Variants in GOLM2 observed in about 807,000 individuals in gnomAD.
GOLM2 encodes golgi membrane protein 2.
Under a neutral mutation model 55.9 loss-of-function variants are expected in GOLM2, and 26 were observed. That is an observed-to-expected ratio of 0.47 (90% CI 0.34 to 0.65). The LOEUF (loss-of-function observed/expected upper bound fraction) is 0.65. Among genes scored for constraint, GOLM2 ranks in the 30% least tolerant of loss-of-function variants. GOLM2 has a pLI of 0.01. For synonymous variants in GOLM2, 165 were observed against 194.6 expected (o/e 0.85, Z 1.27); for missense variants, 486 against 531.8 (o/e 0.91, Z 0.85).
chr15:44,409,644 C>T (rs1438921660), intron 9 of GOLM2: 2 of 134,572 alleles, frequency 1.5e-5, no homozygotes, highest in African/African-American at 5.5e-5. Context: ...CGCTGTGCCT[C>T]ACGCCTGTAA....
At chr15:44,325,597 A>G (rs2078975856) in intron 2 of GOLM2, among the ~76,000 whole-genome samples, 1 of 152,222 alleles carries the variant, frequency 6.6e-6, no homozygotes, top group Non-Finnish European at 1.5e-5. Flanking sequence ...AAGATCACCA[A>G]TTGAAGTCTC....
At chr15:44,403,255 C>T (rs528693413) in intron 9 of GOLM2, 8 of 548,084 alleles carry the variant, frequency 1.5e-5, no homozygotes, top group South Asian at 3.8e-5. Flanking sequence ...CTCCACCTCC[C>T]GGGTTCAAGC....
intron 8 of GOLM2, 70 bp downstream of exon 8, chr15:44,381,046 T>G (rs992062721): frequency 3.3e-6 from 3 of 920,358 alleles, no homozygotes; most frequent in Non-Finnish European, 4.6e-6. Flanking sequence ...AGGTCTTCAT[T>G]ATTCTGCTCT....
intron 8 of GOLM2, among the ~76,000 whole-genome samples, chr15:44,397,907 CT>C (rs1390629809): frequency 6.6e-6 from 1 of 152,160 alleles, no homozygotes. Context: ...TGGAATCATC[CT>C]TTGACTCTTT....
At chr15:44,308,535 G>A (rs1468411895) in intron 1 of GOLM2, 2 of 152,110 alleles carry the variant, frequency 1.3e-5, no homozygotes, top group African/African-American at 4.8e-5. Context: ...TGGTGTACAA[G>A]TATCTGTTTG....
chr15:44,411,461 T>G (rs1032366778), intron 9 of GOLM2, among the ~76,000 whole-genome samples: 1 of 152,176 alleles, frequency 6.6e-6, no homozygotes, highest in Non-Finnish European at 1.5e-5. Context: ...TAACAAAAAT[T>G]AAGCTATTGG....
intron 6 of GOLM2, 141 bp from the exon 7 acceptor site, chr15:44,379,549 C>T (rs2079387526): frequency 1.6e-6 from 1 of 611,882 alleles, no homozygotes; most frequent in South Asian, 2.0e-5. Context: ...AATTAGCATA[C>T]CAACTATAAG....
chr15:44,364,782 T>C (rs1436741767), intron 6 of GOLM2, among the ~76,000 whole-genome samples: 1 of 152,060 alleles, frequency 6.6e-6, no homozygotes, highest in Non-Finnish European at 1.5e-5. Flanking sequence ...GGCATAAAAA[T>C]GGCAAACATA....
intron 6 of GOLM2, among the ~76,000 whole-genome samples, chr15:44,358,603 A>G (rs966748388): frequency 6.6e-6 from 1 of 152,226 alleles, no homozygotes; most frequent in Non-Finnish European, 1.5e-5. Flanking sequence ...CAAAGGCAAT[A>G]CAATGGGGTA....
chr15:44,289,732 C>T lies in GOLM2; in HGVS notation c.327+376C>T, dbSNP rs924307045. On this transcript the variant is annotated intron_variant, in intron 1 of 9. Transcript: ENST00000299957. The surrounding 1 kb of genome is among the most constrained non-coding windows in gnomAD (Gnocchi z 4.8). ...TGTGGTTATTGTCTCATTTTTATTCCGTGCACACTGATCAATATTAATTTC... is the reference window on the plus strand; with the variant it reads ...TGTGGTTATTGTCTCATTTTTATTCTGTGCACACTGATCAATATTAATTTC... Among the ~76,000 whole-genome samples the T allele has an allele frequency of 2.0e-5, 3 of 152,154 alleles. No individual in the cohort carries two copies. The highest frequency in any genetic ancestry group is 6.6e-5 in the Admixed American group (1 of 15,262).
In GOLM2 at chr15:44,413,509, A is replaced by C; in HGVS notation, c.*103A>C. On this transcript the variant is annotated 3_prime_UTR_variant, in exon 10 of 10. Transcript: ENST00000299957. ...GTAAAGACGAATTGTATCAGTTGTA[A>C]AGATACATTGAGATAGAATTAAGGA... 1 of 821,790 alleles carries C rather than the reference A, an allele frequency of 1.2e-6. No homozygotes were observed. The highest frequency in any genetic ancestry group is 2.0e-6 in the Non-Finnish European group (1 of 499,626). The allele number at this position is 821,790 out of a possible 1,614,324, so 50.9% of individuals were successfully genotyped here. A position where few individuals can be genotyped will look rare whatever the true frequency, so the allele number is the denominator to read the frequency against.
At chr15:44,376,913 G>A (rs2079368659) in intron 6 of GOLM2, among the ~76,000 whole-genome samples, 1 of 151,874 alleles carries the variant, frequency 6.6e-6, no homozygotes, top group African/African-American at 2.4e-5. Flanking sequence ...AACCAAGGCT[G>A]GGGTTTTCTA....
chr15:44,295,917 T>TACACAC lies in GOLM2; in HGVS notation c.327+6587_327+6592dup, dbSNP rs71421830. Reference sequence around the variant, plus strand: ...TAGAACAAGGGAGATCCACCACACATACACACACACACACACACACACACA... The same window carrying TACACAC: ...TAGAACAAGGGAGATCCACCACACATACACACACACACACACACACACACACACACA... On this transcript the variant is annotated intron_variant, in intron 1 of 9. Coordinates refer to ENST00000299957, the MANE Select transcript of GOLM2 (RefSeq NM_138423.4). Among the ~76,000 whole-genome samples, 1,327 of 143,130 alleles carry TACACAC rather than the reference T, an allele frequency of 9.3e-3. 19 individuals carry two copies. Among genetic ancestry groups the TACACAC allele is most frequent in the African/African-American group, 0.029 (1,112 of 38,840 alleles). 93.9% of individuals were successfully genotyped at this position (143,130 alleles called of 152,430 possible).
intron 6 of GOLM2, among the ~76,000 whole-genome samples, chr15:44,378,641 A>G (rs1202841425): frequency 6.6e-6 from 1 of 152,096 alleles, no homozygotes; most frequent in African/African-American, 2.4e-5. Flanking sequence ...TTGAGCAACT[A>G]AAAATAACAT....
At chr15:44,313,293 A>T (rs1464431947) in intron 1 of GOLM2, among the ~76,000 whole-genome samples, 2 of 152,122 alleles carry the variant, frequency 1.3e-5, no homozygotes, top group Non-Finnish European at 2.9e-5. Flanking sequence ...TTTCCAGGAA[A>T]ATTTCTTGAA....
Position 44,410,856 on chromosome 15 carries a change from T to C in GOLM2, c.1241-2480T>C, listed in dbSNP as rs1017986664. Among the ~76,000 whole-genome samples, 34 of 148,342 alleles carry C rather than the reference T, an allele frequency of 2.3e-4. 1 individual carries two copies. The highest frequency in any genetic ancestry group is 3.4e-3 in the Middle Eastern group (1 of 290). The stretch of plus-strand genomic sequence containing the variant: ...AAGTTGAGGCTGCAGTGAGCCGAGA[T>C]TGTGCCACTGTACTCCAACCTGAGT... On this transcript the variant is annotated intron_variant, in intron 9 of 9. Transcript: ENST00000299957.
At chr15:44,358,699 A>C (rs1471383031) in intron 6 of GOLM2, among the ~76,000 whole-genome samples, 1 of 152,216 alleles carries the variant, frequency 6.6e-6, no homozygotes, top group Non-Finnish European at 1.5e-5. Flanking sequence ...ACAAAAATTA[A>C]CTCAAAATAG....
intron 9 of GOLM2, among the ~76,000 whole-genome samples, chr15:44,410,006 A>G (rs1272911392): frequency 6.6e-6 from 1 of 152,090 alleles, no homozygotes; most frequent in African/African-American, 2.4e-5. Context: ...CCACTGCTAC[A>G]TGATGATTAA....
intron 6 of GOLM2, among the ~76,000 whole-genome samples, chr15:44,346,702 A>G (rs564870244): frequency 2.6e-5 from 4 of 152,334 alleles, no homozygotes; most frequent in African/African-American, 9.6e-5. Flanking sequence ...GAAACCAGTA[A>G]TAGTGGTTTT....
Sources: allele counts gnomAD v4.1 joint callset (sites outside exome capture counted in the v4.1 genomes callset), GRCh38; gene constraint gnomAD v4.1.1; non-coding constraint Gnocchi (gnomAD v3.1); transcripts MANE v1.5; gene names NCBI Gene and HGNC (gene_info 2026-07-23, HGNC 2026-07-21).